Variants in RFX6 observed in about 807,000 individuals in gnomAD.
The protein encoded by RFX6 is DNA-binding protein RFX6.
RFX6 carries 50 observed loss-of-function variants against 110.8 expected under a neutral mutation model. That is an observed-to-expected ratio of 0.45 (90% confidence interval 0.36 to 0.57). The LOEUF (loss-of-function observed/expected upper bound fraction) is 0.57. Among genes scored for constraint, RFX6 ranks in the 20% least tolerant of loss-of-function variants. RFX6 has a pLI of 0.00. For synonymous variants in RFX6, 383 were observed against 411.2 expected (o/e 0.93, Z 0.83); for missense variants, 990 against 1,127.0 (o/e 0.88, Z 1.74).
chr6:116,910,989 G>C lies in RFX6; in HGVS notation c.727G>C (p.Glu243Gln). ...CTCAAAAACTGGAACACTTCTTCCA[G>C]AATTCCCCAGCGCTCAACACCTTGT... Reference protein sequence around the residue: ...LSSKTGTLLPEFPSAQHLVYQ... With the variant: ...LSSKTGTLLPQFPSAQHLVYQ... The change falls in exon 7 of 19, where the codon GAA becomes CAA. Residue 243 changes from glutamate to glutamine, a missense_variant. Glu to Gln is a conservative substitution (Grantham distance 29). This residue lies in a region of RFX6 where 243 missense variants were observed against 353.1 expected (regional missense o/e 0.69). Coordinates refer to ENST00000332958, the MANE Select transcript of RFX6 (RefSeq NM_173560.4). The C allele has an allele frequency of 6.2e-7, 1 of 1,613,748 alleles. No homozygotes were observed. Among genetic ancestry groups the C allele is most frequent in the Middle Eastern group, 1.7e-4 (1 of 6,052 alleles).
At chr6:116,917,945 A>G (rs1267642031) in intron 9 of RFX6, 92 bp from the exon 10 acceptor site, 2 of 837,058 alleles carry the variant, frequency 2.4e-6, no homozygotes, top group South Asian at 1.4e-5. Context: ...ATTCTCTAGG[A>G]AGCTAGGAAT....
At chr6:116,921,177 C>T (rs1775587021) in intron 12 of RFX6, among the ~76,000 whole-genome samples, 1 of 152,152 alleles carries the variant, frequency 6.6e-6, no homozygotes, top group Non-Finnish European at 1.5e-5. Flanking sequence ...CTCTGGGGCC[C>T]AATCTCAACT....
At chr6:116,930,523 C>T (rs1195147380) in intron 18 of RFX6, among the ~76,000 whole-genome samples, 1 of 152,138 alleles carries the variant, frequency 6.6e-6, no homozygotes, top group Non-Finnish European at 1.5e-5. Context: ...ATGTCAAGTA[C>T]TCTGAACCTG....
intron 14 of RFX6, chr6:116,923,480 G>C: frequency 2.1e-6 from 1 of 479,962 alleles, no homozygotes; most frequent in Non-Finnish European, 3.8e-6. Flanking sequence ...CTCTTCGAAG[G>C]GTTGTATAGG....
At position 116,928,937 on chromosome 6, in the gene RFX6, A is replaced by G. The variant is rs1175324109; in HGVS notation, c.2577A>G (p.Thr859=). Residue 859 remains threonine (T), a synonymous_variant, in exon 18 of 19, where the codon ACA becomes ACG. Transcript: ENST00000332958. ...RKQTSSFYTD[T]SSPVACRTPV... is the part of the protein sequence containing the mutation. ...AGACCAGCTCGTTTTACACAGACAC[A>G]TCATCTCCAGTTGCATGTCGAACTC... The G allele has an allele frequency of 3.7e-6, 6 of 1,612,994 alleles. No homozygotes were observed. The East Asian group carries it at 1.3e-4, about 36-fold the overall frequency.
At chr6:116,921,948 T>C in intron 12 of RFX6, 94 bp from the exon 13 acceptor site, 1 of 691,184 alleles carries the variant, frequency 1.4e-6, no homozygotes, top group Non-Finnish European at 2.6e-6. Flanking sequence ...TATCAAAGTA[T>C]TGATGATTCC....
chr6:116,925,729 C>T lies in RFX6; in HGVS notation c.1885+70C>T, dbSNP rs941506190. 22 of 1,003,970 alleles carry T rather than the reference C, an allele frequency of 2.2e-5. No homozygotes were observed. In the Middle Eastern group the frequency reaches 1.2e-3, roughly 54 times the overall value. The allele number at this position is 1,003,970 out of a possible 1,614,324, so 62.2% of individuals were successfully genotyped here. A position where few individuals can be genotyped will look rare whatever the true frequency, so the allele number is the denominator to read the frequency against. On this transcript the variant is annotated intron_variant, in intron 16 of 18. Transcript: ENST00000332958. ...GCCTGTTGCTTCATTTTTCTTAAAA[C>T]TCATAACTTCCAGTCCAGGAATTCC...
intron 6 of RFX6, among the ~76,000 whole-genome samples, chr6:116,902,225 G>A (rs1775090471): frequency 6.6e-6 from 1 of 152,016 alleles, no homozygotes; most frequent in East Asian, 1.9e-4. Flanking sequence ...TCTTGTGGGA[G>A]AAGAAGGGAA....
At chr6:116,878,777 A>G (rs1394452180) in intron 2 of RFX6, among the ~76,000 whole-genome samples, 2 of 152,032 alleles carry the variant, frequency 1.3e-5, no homozygotes. Context: ...GTAAAGTATG[A>G]TCTAAGGAGC....
At chr6:116,923,073 AT>A (rs1775636209) in intron 13 of RFX6, 33 bp from the exon 14 acceptor site, 1 of 1,137,516 alleles carries the variant, frequency 8.8e-7, no homozygotes, top group Non-Finnish European at 1.3e-6. Flanking sequence ...GAGAGGACGG[AT>A]TTTATAGTTT....
intron 14 of RFX6, chr6:116,923,657 C>T (rs944317373): frequency 2.1e-5 from 4 of 194,720 alleles, no homozygotes; most frequent in African/African-American, 2.4e-5. Context: ...CATTGCAATA[C>T]GGCAAATTTC....
At chr6:116,894,092 T>G (rs1416256691) in intron 5 of RFX6, 28 bp downstream of exon 5, 1 of 1,161,416 alleles carries the variant, frequency 8.6e-7, no homozygotes, top group African/African-American at 1.5e-5. Flanking sequence ...TCAAGACAAA[T>G]TCTCTGTGTT....
chr6:116,884,709 GGAGCCTTTA>G (rs1305228028), intron 4 of RFX6: 2 of 152,166 alleles, frequency 1.3e-5, no homozygotes, highest in Non-Finnish European at 2.9e-5. Context: ...AATCTTTGAA[GGAGCCTTTA>G]GGATTAGGGA....
rs528382434 is a variant in RFX6 at position 116,898,729 on chromosome 6, A to G, written c.672+3522A>G. Among the ~76,000 whole-genome samples, 4 of 152,296 alleles carry G rather than the reference A, an allele frequency of 2.6e-5. No homozygotes were observed. In the East Asian group the frequency reaches 7.7e-4, roughly 29 times the overall value. ...AAGCAGATTTGTAGATTTTTGTGGCAGAAAGTTGAGGTAGCTTCTGTTTGG... is the reference window on the plus strand; with the variant it reads ...AAGCAGATTTGTAGATTTTTGTGGCGGAAAGTTGAGGTAGCTTCTGTTTGG... On this transcript the variant is annotated intron_variant, in intron 6 of 18. Transcript: ENST00000332958.
intron 4 of RFX6, among the ~76,000 whole-genome samples, chr6:116,892,529 G>C (rs1053528476): frequency 3.9e-5 from 6 of 152,186 alleles, no homozygotes; most frequent in African/African-American, 1.2e-4. Context: ...GTGTGGTCAG[G>C]GGGTAGCTGT....
intron 4 of RFX6, among the ~76,000 whole-genome samples, chr6:116,890,038 G>C (rs1031187585): frequency 1.9e-5 from 1 of 51,600 alleles, no homozygotes; most frequent in Non-Finnish European, 4.0e-5. Context: ...TGCCAAACAA[G>C]AATAAAGTGT....
At chr6:116,878,827 TTTA>T (rs1466952534) in intron 2 of RFX6, among the ~76,000 whole-genome samples, 5 of 151,746 alleles carry the variant, frequency 3.3e-5, no homozygotes, top group Non-Finnish European at 7.4e-5. Context: ...AAATTTTATT[TTTA>T]TTATTTATTT....
chr6:116,892,227 G>C (rs1349725311), intron 4 of RFX6, among the ~76,000 whole-genome samples: 1 of 152,198 alleles, frequency 6.6e-6, no homozygotes, highest in Admixed American at 6.5e-5. Flanking sequence ...AGGCAAGTTT[G>C]CTGCCACAGT....
chr6:116,907,097 A>C (rs1434381437), intron 6 of RFX6, among the ~76,000 whole-genome samples: 1 of 151,206 alleles, frequency 6.6e-6, no homozygotes, highest in Non-Finnish European at 1.5e-5. Flanking sequence ...AATTTTTTCA[A>C]ATACTTTTTC....
Sources: gnomAD v4.1 joint callset for allele counts (sites outside exome capture counted in the v4.1 genomes callset) on GRCh38, gnomAD v4.1.1 for gene constraint, gnomAD v4.1.1 regional missense constraint, MANE v1.5 for transcripts, NCBI Gene and HGNC (gene_info 2026-07-23, HGNC 2026-07-21) for gene names.